KLF12: variants seen among roughly 807,000 people sequenced by gnomAD.
The protein encoded by KLF12 is KLF transcription factor 12.
In KLF12, 9 loss-of-function variants were observed where a neutral mutation model predicts 37.8. The observed-to-expected ratio is 0.24, with a 90% CI of 0.14 to 0.42. The LOEUF (loss-of-function observed/expected upper bound fraction) is 0.42, where lower values mean the gene tolerates loss of function less well. Ranked by LOEUF, KLF12 falls within the 10% of genes least tolerant of loss-of-function variation. KLF12 has a pLI of 1.00. For missense variants in KLF12, 411 were observed against 516.0 expected, an observed-to-expected ratio of 0.80 and a Z score of 1.97; for synonymous variants, 208 against 202.1, an observed-to-expected ratio of 1.03 and a Z score of -0.25.
intron 1 of KLF12, among the ~76,000 whole-genome samples, chr13:74,010,452 C>T (rs1251866180): frequency 1.3e-5 from 2 of 152,140 alleles, no homozygotes; most frequent in Non-Finnish European, 2.9e-5. Flanking sequence ...TGGCATGCTA[C>T]ACCCTACATT....
intron 3 of KLF12, among the ~76,000 whole-genome samples, chr13:73,869,670 TATA>T (rs1886373780): frequency 6.6e-6 from 1 of 151,984 alleles, no homozygotes; most frequent in Non-Finnish European, 1.5e-5. Flanking sequence ...ATACTCAGCA[TATA>T]ACATAGTTCC....
intron 6 of KLF12, among the ~76,000 whole-genome samples, chr13:73,742,751 G>A (rs776519458): frequency 1.3e-5 from 2 of 152,278 alleles, no homozygotes; most frequent in African/African-American, 2.4e-5. Flanking sequence ...TAAGATAGAG[G>A]TCACACAGTA....
At chr13:73,842,723 C>T (rs568612238) in intron 4 of KLF12, among the ~76,000 whole-genome samples, 3 of 152,282 alleles carry the variant, frequency 2.0e-5, no homozygotes, top group East Asian at 3.9e-4. Flanking sequence ...TCCAACTTCC[C>T]TATCGTATTT....
At chr13:73,963,668 G>A (rs1214623384) in intron 2 of KLF12, among the ~76,000 whole-genome samples, 3 of 152,166 alleles carry the variant, frequency 2.0e-5, no homozygotes, top group Admixed American at 6.5e-5. Flanking sequence ...TTTAGTACTC[G>A]TATGACGCTA....
chr13:73,720,991 A>G lies in KLF12; in HGVS notation c.870-5466T>C, dbSNP rs1050742191. Among the ~76,000 whole-genome samples the G allele has an allele frequency of 3.9e-5, 6 of 152,252 alleles. 1 individual carries two copies. Among genetic ancestry groups the G allele is most frequent in the Non-Finnish European group, 8.8e-5 (6 of 68,030 alleles). On this transcript the variant is annotated intron_variant, in intron 6 of 7. Transcript: ENST00000377669. ...AAAACACTGGAATTGAAGGAGCTTT[A>G]GTAAATTCACACACGCAATCACAAC...
the KLF12 span, among the ~76,000 whole-genome samples, chr13:74,151,495 A>G: frequency 6.6e-6 from 1 of 152,034 alleles, no homozygotes; most frequent in South Asian, 2.1e-4. Flanking sequence ...TACAAAAAAA[A>G]CACAAAAATT....
chr13:74,044,268 T>TA (rs1418449850), intron 1 of KLF12, among the ~76,000 whole-genome samples: 1 of 151,822 alleles, frequency 6.6e-6, no homozygotes, highest in Non-Finnish European at 1.5e-5. Flanking sequence ...TCCTCATCTG[T>TA]AAAATGGGAT....
chr13:73,800,438 A>G lies in KLF12; in HGVS notation c.806+12714T>C, dbSNP rs541110616. The G allele has an allele frequency of 8.3e-4, 126 of 152,196 alleles. 1 individual carries two copies. Among genetic ancestry groups the G allele is most frequent in the African/African-American group, 3.0e-3 (125 of 41,576 alleles). 9.4% of individuals were successfully genotyped at this position (152,196 alleles called of 1,614,324 possible). A position where few individuals can be genotyped will look rare whatever the true frequency, so the allele number is the denominator to read the frequency against. ...CTTACGAATTAGATTAGAAAAACAGATACATCCATTCATTTGAATTGCTTC... is the reference window on the plus strand; with the variant it reads ...CTTACGAATTAGATTAGAAAAACAGGTACATCCATTCATTTGAATTGCTTC... On this transcript the variant is annotated intron_variant, in intron 5 of 7. Transcript: ENST00000377669.
intron 4 of KLF12, among the ~76,000 whole-genome samples, chr13:73,827,200 A>G (rs1883897305): frequency 6.6e-6 from 1 of 152,222 alleles, no homozygotes; most frequent in South Asian, 2.1e-4. Context: ...TTAGTTATCT[A>G]TCCTTTTCGT....
At position 73,982,086 on chromosome 13, in the gene KLF12, G is replaced by A. The variant is rs1891702526; in HGVS notation, c.33+12904C>T. 3.3e-5 allele frequency among the ~76,000 whole-genome samples: 5 copies of A among 152,060 alleles called. No homozygotes were observed. The South Asian group carries it at 1.0e-3, about 32-fold the overall frequency. On this transcript the variant is annotated intron_variant, in intron 2 of 7. Coordinates refer to ENST00000377669, the MANE Select transcript of KLF12 (RefSeq NM_007249.5). ...TAATAAATTATCTCCCCTGTGCTTT[G>A]TTGACTAGAGTGATTAATTCTTTTA...
the KLF12 span, among the ~76,000 whole-genome samples, chr13:74,178,020 A>G: frequency 1.3e-5 from 2 of 152,240 alleles, no homozygotes; most frequent in African/African-American, 2.4e-5. Flanking sequence ...ATTTTCTCAC[A>G]TACAAAAATC....
At chr13:73,936,657 G>A (rs562916126) in intron 3 of KLF12, among the ~76,000 whole-genome samples, 15 of 152,188 alleles carry the variant, frequency 9.9e-5, no homozygotes, top group South Asian at 4.2e-4. Context: ...GTGAGACGGC[G>A]AGGCCCTGTT....
At chr13:73,827,630 T>G (rs923413176) in intron 4 of KLF12, among the ~76,000 whole-genome samples, 1 of 152,206 alleles carries the variant, frequency 6.6e-6, no homozygotes, top group African/African-American at 2.4e-5. Context: ...TGGCGCAATC[T>G]TGGCTCACTG....
At chr13:74,252,286 C>T in the KLF12 span, among the ~76,000 whole-genome samples, 5 of 152,192 alleles carry the variant, frequency 3.3e-5, no homozygotes, top group Admixed American at 2.6e-4. Context: ...CTGACTTTAC[C>T]TGCTCCTCAC....
At chr13:73,751,798 A>G (rs1303118867) in intron 6 of KLF12, among the ~76,000 whole-genome samples, 1 of 152,148 alleles carries the variant, frequency 6.6e-6, no homozygotes, top group Non-Finnish European at 1.5e-5. Context: ...TTGAAGTCAG[A>G]TATCTCACAG....
intron 3 of KLF12, among the ~76,000 whole-genome samples, chr13:73,934,218 G>C (rs1889820025): frequency 6.6e-6 from 1 of 151,952 alleles, no homozygotes; most frequent in South Asian, 2.1e-4. Flanking sequence ...TGTTTTGTGT[G>C]GGTGGCTGCT....
the KLF12 span, among the ~76,000 whole-genome samples, chr13:74,175,024 TCA>T: frequency 6.6e-6 from 1 of 152,108 alleles, no homozygotes. Context: ...ACCCTACAAC[TCA>T]CACTGCAGAT....
the KLF12 span, among the ~76,000 whole-genome samples, chr13:74,269,548 AG>A: frequency 6.6e-6 from 1 of 152,206 alleles, no homozygotes; most frequent in South Asian, 2.1e-4. Context: ...TTGTTGCAAG[AG>A]TAAAAAAAAT....
At chr13:74,108,221 T>C (rs987857175) in intron 1 of KLF12, among the ~76,000 whole-genome samples, 6 of 152,026 alleles carry the variant, frequency 3.9e-5, no homozygotes, top group Non-Finnish European at 7.4e-5. Context: ...ATAATAATAA[T>C]AATTTGTCTA....
Sources: gnomAD v4.1 joint callset for allele counts (sites outside exome capture counted in the v4.1 genomes callset) on GRCh38, gnomAD v4.1.1 for gene constraint, MANE v1.5 for transcripts, NCBI Gene and HGNC (gene_info 2026-07-23, HGNC 2026-07-21) for gene names.